Variants in JAKMIP2 observed in about 807,000 individuals in gnomAD.
JAKMIP2 encodes janus kinase and microtubule-interacting protein 2.
In JAKMIP2, 25 loss-of-function variants were observed where a neutral mutation model predicts 115.0. The observed-to-expected ratio is 0.22, with a 90% CI of 0.16 to 0.30. The LOEUF is 0.30. Ranked by LOEUF, JAKMIP2 falls within the 10% of genes least tolerant of loss-of-function variation. The pLI, the probability that JAKMIP2 is intolerant of heterozygous loss-of-function variation, is 1.00. For synonymous variants in JAKMIP2, 334 were observed against 343.6 expected, an observed-to-expected ratio of 0.97 and a Z score of 0.31; for missense variants, 642 against 957.6, an observed-to-expected ratio of 0.67 and a Z score of 4.35.
chr5:147,649,556 C>T (rs1024122904), intron 4 of JAKMIP2, among the ~76,000 whole-genome samples: 4 of 152,050 alleles, frequency 2.6e-5, no homozygotes, highest in African/African-American at 9.7e-5. Flanking sequence ...TGCTATATTG[C>T]GGGTACCTGT....
At chr5:147,683,246 T>C (rs1760391359) in intron 1 of JAKMIP2, among the ~76,000 whole-genome samples, 1 of 152,160 alleles carries the variant, frequency 6.6e-6, no homozygotes, top group South Asian at 2.1e-4. Flanking sequence ...TCCCAGCACT[T>C]TGGGAGGCCA....
chr5:147,642,002 T>A (rs1757901623), intron 7 of JAKMIP2, among the ~76,000 whole-genome samples: 1 of 152,194 alleles, frequency 6.6e-6, no homozygotes, highest in Non-Finnish European at 1.5e-5. Flanking sequence ...GAAAGTGTAC[T>A]GTGTTCCTAA....
intron 21 of JAKMIP2, among the ~76,000 whole-genome samples, chr5:147,594,810 T>A (rs1432137380): frequency 6.6e-6 from 1 of 152,204 alleles, no homozygotes; most frequent in Non-Finnish European, 1.5e-5. Context: ...AAATGGTAGC[T>A]ATTAATATTA....
rs547706716 is a variant in JAKMIP2, at chr5:147,699,372, G to A, written c.-148-27418C>T. Among the ~76,000 whole-genome samples the A allele has an allele frequency of 2.6e-5, 4 of 152,240 alleles. No homozygotes were observed. The South Asian group carries it at 8.3e-4, about 32-fold the overall frequency. ...GCCTGGGTGGAAATGGTGAAGAACAGATGTAGAGAGAATTCCAGGGCAAGA... is the reference window on the plus strand; with the variant it reads ...GCCTGGGTGGAAATGGTGAAGAACAAATGTAGAGAGAATTCCAGGGCAAGA... On this transcript the variant is annotated intron_variant, in intron 1 of 21. Transcript: ENST00000616793.
chr5:147,620,563 G>A (rs1756803922), intron 18 of JAKMIP2, 103 bp downstream of exon 18: 10 of 668,018 alleles, frequency 1.5e-5, no homozygotes, highest in East Asian at 2.8e-5. Flanking sequence ...ACTGCATGTC[G>A]TGATCTATTC....
rs535882689 is a variant in JAKMIP2, at chr5:147,700,514, G to T, written c.-148-28560C>A. 1.1e-3 allele frequency among the ~76,000 whole-genome samples: 170 copies of T among 152,148 alleles called. 1 individual carries two copies. The highest frequency in any genetic ancestry group is 1.6e-3 in the Non-Finnish European group (106 of 68,010). On this transcript the variant is annotated intron_variant, in intron 1 of 21. Transcript: ENST00000616793. Reference sequence around the variant, plus strand: ...AATATATGTCTCATGCAGTTTCTAGGAGAAGAAAATAGGCAAACCTGGGAC... The same window carrying T: ...AATATATGTCTCATGCAGTTTCTAGTAGAAGAAAATAGGCAAACCTGGGAC...
chr5:147,603,901 T>C (rs1419827248), intron 20 of JAKMIP2, among the ~76,000 whole-genome samples: 1 of 152,184 alleles, frequency 6.6e-6, no homozygotes, highest in Non-Finnish European at 1.5e-5. Flanking sequence ...ATGACGTTGA[T>C]AGATTTTGTT....
At chr5:147,606,747 C>A (rs1162094945) in intron 20 of JAKMIP2, among the ~76,000 whole-genome samples, 1 of 152,140 alleles carries the variant, frequency 6.6e-6, no homozygotes, top group Non-Finnish European at 1.5e-5. Flanking sequence ...ATGGGAATAG[C>A]ATTGAATCTA....
At chr5:147,607,356 C>A (rs193257956) in intron 20 of JAKMIP2, among the ~76,000 whole-genome samples, 73 of 152,194 alleles carry the variant, frequency 4.8e-4, no homozygotes, top group African/African-American at 1.5e-3. Context: ...CCATCAATAC[C>A]TAGTTTATTG....
chr5:147,750,537 G>A (rs1472093446), intron 1 of JAKMIP2, among the ~76,000 whole-genome samples: 1 of 145,820 alleles, frequency 6.9e-6, no homozygotes, highest in Non-Finnish European at 1.5e-5. Context: ...TCCCAAGGAA[G>A]ATATCACTCA....
At chr5:147,611,988 A>G (rs1756352609) in intron 20 of JAKMIP2, 1 of 446,532 alleles carries the variant, frequency 2.2e-6, no homozygotes, top group Non-Finnish European at 4.2e-6. Flanking sequence ...TTTTTAAAAA[A>G]AGAGCAAAGT....
At chr5:147,594,082 G>T (rs919141808) in intron 21 of JAKMIP2, among the ~76,000 whole-genome samples, 1 of 152,190 alleles carries the variant, frequency 6.6e-6, no homozygotes, top group Non-Finnish European at 1.5e-5. Context: ...AAAACCAATG[G>T]ACTTACAGGC....
chr5:147,656,080 C>A (rs567552047), intron 3 of JAKMIP2, among the ~76,000 whole-genome samples: 1 of 152,266 alleles, frequency 6.6e-6, no homozygotes, highest in South Asian at 2.1e-4. Flanking sequence ...GATTTCAGTT[C>A]TTTTGCATTT....
intron 1 of JAKMIP2, among the ~76,000 whole-genome samples, chr5:147,753,755 T>C (rs1285460914): frequency 6.6e-6 from 1 of 151,984 alleles, no homozygotes; most frequent in East Asian, 1.9e-4. Flanking sequence ...TACCCCTTAG[T>C]AAATATTATT....
intron 16 of JAKMIP2, among the ~76,000 whole-genome samples, chr5:147,625,652 G>A (rs893324483): frequency 6.6e-6 from 1 of 152,158 alleles, no homozygotes; most frequent in Non-Finnish European, 1.5e-5. Context: ...ATGAGCATTA[G>A]ATATAGATTT....
At chr5:147,681,607 T>C (rs113925940) in intron 1 of JAKMIP2, among the ~76,000 whole-genome samples, 1 of 152,082 alleles carries the variant, frequency 6.6e-6, no homozygotes, top group Non-Finnish European at 1.5e-5. Flanking sequence ...GTGGAGGACA[T>C]GTGTGTGCTA....
chr5:147,750,347 T>G (rs1418991636), intron 1 of JAKMIP2, among the ~76,000 whole-genome samples: 2 of 152,132 alleles, frequency 1.3e-5, no homozygotes, highest in Non-Finnish European at 2.9e-5. Context: ...TTTGTGTTGT[T>G]AAGATGTGTG....
intron 1 of JAKMIP2, among the ~76,000 whole-genome samples, chr5:147,678,830 A>C (rs1309647747): frequency 1.3e-5 from 2 of 152,182 alleles, no homozygotes; most frequent in East Asian, 3.9e-4. Flanking sequence ...TGAAAATTAA[A>C]AAAAAACTTT....
intron 1 of JAKMIP2, among the ~76,000 whole-genome samples, chr5:147,750,165 T>TCACAACCATTGCGATC (rs879665609): frequency 5.3e-5 from 8 of 152,094 alleles, no homozygotes; most frequent in Non-Finnish European, 1.2e-4. Flanking sequence ...TCAGGAAAGA[T>TCACAACCATTGCGATC]CACAACCATT....
Sources: allele counts gnomAD v4.1 joint callset (sites outside exome capture counted in the v4.1 genomes callset), GRCh38; gene constraint gnomAD v4.1.1; transcripts MANE v1.5; gene names NCBI Gene and HGNC (gene_info 2026-07-23, HGNC 2026-07-21).